PPM1H: variants seen among roughly 807,000 people sequenced by gnomAD.
The protein encoded by PPM1H is protein phosphatase 1H.
In PPM1H, 27 loss-of-function variants were observed where a neutral mutation model predicts 54.9. The ratio of observed to expected loss-of-function variants is 0.49; its 90% CI spans 0.36 to 0.68. The LOEUF (loss-of-function observed/expected upper bound fraction) is 0.68, where lower values mean the gene tolerates loss of function less well. Among genes scored for constraint, PPM1H ranks in the 30% least tolerant of loss-of-function variants. The pLI is 0.00. For missense variants in PPM1H, 596 were observed against 667.8 expected (o/e 0.89, Z 1.19); for synonymous variants, 305 against 270.8 (o/e 1.13, Z -1.24).
chr12:62,819,946 G>A (rs935127404), intron 2 of PPM1H, among the ~76,000 whole-genome samples: 6 of 152,216 alleles, frequency 3.9e-5, no homozygotes, highest in Non-Finnish European at 8.8e-5. Flanking sequence ...GCAGCCCAAA[G>A]AGGGCGAGCC....
At chr12:62,885,486 C>T (rs1565819696) in intron 1 of PPM1H, among the ~76,000 whole-genome samples, 1 of 152,130 alleles carries the variant, frequency 6.6e-6, no homozygotes, top group Non-Finnish European at 1.5e-5. Context: ...TGATGAGAAA[C>T]CTTAGTTACA....
chr12:62,867,638 C>T (rs1169316963), intron 1 of PPM1H, among the ~76,000 whole-genome samples: 5 of 121,676 alleles, frequency 4.1e-5, no homozygotes, highest in South Asian at 5.7e-4. Context: ...AGTGCAGTGG[C>T]GCGATCTCGG....
intron 6 of PPM1H, among the ~76,000 whole-genome samples, chr12:62,707,159 C>G (rs2076179678): frequency 6.6e-6 from 1 of 152,122 alleles, no homozygotes; most frequent in Non-Finnish European, 1.5e-5. Context: ...AAGTTAAATG[C>G]CCTGGGCAGC....
chr12:62,650,769 G>A (rs780767756), intron 9 of PPM1H, among the ~76,000 whole-genome samples: 12 of 152,074 alleles, frequency 7.9e-5, no homozygotes, highest in Admixed American at 1.3e-4. Flanking sequence ...ATCAGATCTC[G>A]TAAGAACTCA....
At chr12:62,650,126 G>A (rs964453773) in intron 9 of PPM1H, among the ~76,000 whole-genome samples, 3 of 152,154 alleles carry the variant, frequency 2.0e-5, no homozygotes, top group Non-Finnish European at 4.4e-5. Context: ...GTTGAGAACT[G>A]CATCATTGTT....
chr12:62,881,383 A>G (rs549003637), intron 1 of PPM1H, among the ~76,000 whole-genome samples: 11 of 151,772 alleles, frequency 7.2e-5, no homozygotes, highest in Non-Finnish European at 1.5e-4. Context: ...GCTGATAATC[A>G]GTGGAAGGCA....
At chr12:62,858,485 T>C (rs143634851) in intron 1 of PPM1H, among the ~76,000 whole-genome samples, 2 of 152,106 alleles carry the variant, frequency 1.3e-5, no homozygotes, top group African/African-American at 4.8e-5. Context: ...TAAATAACTC[T>C]ACAGGTTTCC....
chr12:62,735,666 A>C (rs988001721), intron 5 of PPM1H, among the ~76,000 whole-genome samples: 3 of 152,218 alleles, frequency 2.0e-5, no homozygotes, highest in African/African-American at 7.2e-5. Flanking sequence ...GACCAGAACA[A>C]GCAACACCAT....
At chr12:62,913,944 C>G (rs542104845) in intron 1 of PPM1H, among the ~76,000 whole-genome samples, 2 of 152,280 alleles carry the variant, frequency 1.3e-5, no homozygotes, top group African/African-American at 4.8e-5. Flanking sequence ...AAGTGACCCG[C>G]TGGCCTCAGC....
intron 6 of PPM1H, among the ~76,000 whole-genome samples, chr12:62,695,452 C>T (rs987974246): frequency 6.6e-6 from 1 of 152,012 alleles, no homozygotes; most frequent in Non-Finnish European, 1.5e-5. Context: ...CTGTGCCTGG[C>T]AAAACAAATG....
chr12:62,692,414 C>T (rs922764381), intron 7 of PPM1H, among the ~76,000 whole-genome samples: 9 of 152,200 alleles, frequency 5.9e-5, no homozygotes, highest in African/African-American at 2.2e-4. Context: ...CTGCTATAAA[C>T]TTCCAAGAAT....
chr12:62,846,483 G>C (rs1157911300), intron 1 of PPM1H, among the ~76,000 whole-genome samples: 1 of 150,224 alleles, frequency 6.7e-6, no homozygotes, highest in African/African-American at 2.5e-5. Flanking sequence ...CTGGGCAACA[G>C]AGCGAGATTC....
chr12:62,736,933 C>A (rs2076352778), intron 5 of PPM1H, among the ~76,000 whole-genome samples: 1 of 152,168 alleles, frequency 6.6e-6, no homozygotes, highest in African/African-American at 2.4e-5. Flanking sequence ...TGAGCCCGCT[C>A]ATAATTTCAT....
At chr12:62,908,772 T>C (rs1871375030) in intron 1 of PPM1H, among the ~76,000 whole-genome samples, 1 of 152,160 alleles carries the variant, frequency 6.6e-6, no homozygotes, top group Admixed American at 6.5e-5. Context: ...TGGGTAGATA[T>C]TAAACAAATA....
In PPM1H at chr12:62,648,632, T is replaced by C. The variant is rs371293545; in HGVS notation, c.1402A>G (p.Thr468Ala). The change falls in exon 10 of 10, where the codon ACA (threonine) becomes GCA (alanine). Residue 468 changes from threonine to alanine, a missense_variant. Thr to Ala is a moderately conservative substitution (Grantham distance 58). Coordinates refer to ENST00000228705, the MANE Select transcript of PPM1H (RefSeq NM_020700.2). The part of the protein sequence containing the change: ...NCDPDDPHRY[T>A]LAAQDLVMRA... The stretch of plus-strand genomic sequence containing the variant: ...ATCACCAGGTCCTGAGCTGCCAGTG[T>C]GTACCTACACAGGAGAACCAGGAAC... 161 of 1,613,678 alleles carry C rather than the reference T, an allele frequency of 1.0e-4. No individual in the cohort carries two copies. The highest frequency in any genetic ancestry group is 1.4e-4 in the Non-Finnish European group (160 of 1,179,854).
intron 2 of PPM1H, among the ~76,000 whole-genome samples, chr12:62,826,344 G>A (rs1349001582): frequency 6.6e-6 from 1 of 152,188 alleles, no homozygotes; most frequent in Admixed American, 6.5e-5. Flanking sequence ...AGCTACTCAG[G>A]AGGATGAGGC....
At chr12:62,874,184 T>C (rs1176586008) in intron 1 of PPM1H, among the ~76,000 whole-genome samples, 2 of 152,172 alleles carry the variant, frequency 1.3e-5, no homozygotes, top group Admixed American at 6.5e-5. Flanking sequence ...TTCTTAAAAG[T>C]GCATTTCAGC....
intron 4 of PPM1H, among the ~76,000 whole-genome samples, chr12:62,742,563 C>T (rs1266417372): frequency 6.6e-6 from 1 of 152,228 alleles, no homozygotes; most frequent in African/African-American, 2.4e-5. Context: ...TTTAAAGCTA[C>T]AGTCTGTCAT....
chr12:62,665,803 C>T lies in PPM1H; in HGVS notation c.1397+1375G>A, dbSNP rs566327915. On this transcript the variant is annotated intron_variant, in intron 9 of 9. Transcript: ENST00000228705. ...CCAGGCTGGAGTGCAGTGGTGTGAT[C>T]GATCTTGGCTCACTGCAACCACTGC... Among the ~76,000 whole-genome samples, 27 of 151,644 alleles carry T rather than the reference C, an allele frequency of 1.8e-4. 1 individual carries two copies. In the South Asian group the frequency reaches 5.0e-3, roughly 28 times the overall value.
Sources: allele counts gnomAD v4.1 joint callset (sites outside exome capture counted in the v4.1 genomes callset), GRCh38; gene constraint gnomAD v4.1.1; transcripts MANE v1.5; gene names NCBI Gene and HGNC (gene_info 2026-07-23, HGNC 2026-07-21).